The following RNF207 variants were observed in gnomAD, a reference collection of about 807,000 sequenced individuals.
RNF207 encodes ring finger protein 207.
A neutral mutation model predicts 79.0 loss-of-function variants in RNF207; 72 were observed. That is an observed-to-expected ratio of 0.91 (90% CI 0.75 to 1.11). The LOEUF (loss-of-function observed/expected upper bound fraction) is 1.11, where lower values mean the gene tolerates loss of function less well. Ranked by LOEUF, RNF207 falls within the 50% of genes least tolerant of loss-of-function variation. The pLI is 0.00. For missense variants in RNF207, 936 were observed against 855.8 expected (o/e 1.09, Z -1.17); for synonymous variants, 348 against 366.2 (o/e 0.95, Z 0.57).
chr1:6,215,819 C>T (rs762343957), intron 16 of RNF207, among the ~76,000 whole-genome samples: 6 of 152,202 alleles, frequency 3.9e-5, no homozygotes, highest in African/African-American at 7.2e-5. Context: ...TGTGCCACCA[C>T]GCCCTCTAAG....
At chr1:6,210,814 TC>T (rs1245691302) in intron 10 of RNF207, 55 bp from the exon 11 acceptor site, 18 of 1,482,166 alleles carry the variant, frequency 1.2e-5, no homozygotes, top group Non-Finnish European at 7.4e-6. Context: ...TCTCCCCTCT[TC>T]CTGCCCCCTG....
At chr1:6,208,850 T>C in intron 3 of RNF207, 31 bp from the exon 4 acceptor site, 1 of 1,515,802 alleles carries the variant, frequency 6.6e-7, no homozygotes, top group Non-Finnish European at 8.8e-7. Flanking sequence ...GGTCGGGCTC[T>C]GGCGCTCCTG....
At position 6,211,813 on chromosome 1, in the gene RNF207, G is replaced by T. The variant is rs1226544109; in HGVS notation, c.1110-54G>T. On this transcript the variant is annotated intron_variant, in intron 12 of 17. Transcript: ENST00000377939. This position sits in a 1 kb window ranked among gnomAD's most constrained non-coding sequence, Gnocchi z 4.2. ...GTCCAGGGGGCTGCCCTGGGAGGCT[G>T]GGGGAGGGGCAGACTTCCCCACCCC... The T allele has an allele frequency of 7.4e-7, 1 of 1,353,062 alleles. No homozygotes were observed. The highest frequency in any genetic ancestry group is 1.0e-6 in the Non-Finnish European group (1 of 979,126). The allele number at this position is 1,353,062 out of a possible 1,614,324, so 83.8% of individuals were successfully genotyped here.
In RNF207 at chr1:6,207,914, G is replaced by C; in HGVS notation, c.324+403G>C. On this transcript the variant is annotated intron_variant, in intron 3 of 17. Transcript: ENST00000377939. This position sits in a 1 kb window ranked among gnomAD's most constrained non-coding sequence, Gnocchi z 4.5. The stretch of plus-strand genomic sequence containing the variant: ...GTGGGGACAGCATGCTGTTCCCTCT[G>C]GGCTGTAAAAGGCACAGGGGACTCT... 1 of 367,978 alleles carries C rather than the reference G, an allele frequency of 2.7e-6. No individual in the cohort carries two copies. Among genetic ancestry groups the C allele is most frequent in the South Asian group, 2.1e-5 (1 of 46,982 alleles). 22.8% of individuals were successfully genotyped at this position (367,978 alleles called of 1,614,324 possible).
At chr1:6,214,224 C>T (rs1668280695) in intron 16 of RNF207, among the ~76,000 whole-genome samples, 2 of 152,162 alleles carry the variant, frequency 1.3e-5, no homozygotes, top group Admixed American at 1.3e-4. Flanking sequence ...TGAAGGCACT[C>T]AGACTCCTAA....
In RNF207 at chr1:6,209,976, T is replaced by G; in HGVS notation, c.800+6T>G. 1 of 1,582,512 alleles carries G rather than the reference T, an allele frequency of 6.3e-7. No homozygotes were observed. The highest frequency in any genetic ancestry group is 8.6e-7 in the Non-Finnish European group (1 of 1,163,244). ...CTGCTGCAGGCTGTGCAGAGGTGAGTTGGGGGGAGCGGGGCTTGCTTCCCT... is the reference window on the plus strand; with the variant it reads ...CTGCTGCAGGCTGTGCAGAGGTGAGGTGGGGGGAGCGGGGCTTGCTTCCCT... On this transcript the variant is annotated splice_donor_region_variant and intron_variant, in intron 8 of 17. Coordinates refer to ENST00000377939, the MANE Select transcript of RNF207 (RefSeq NM_207396.3).
intron 17 of RNF207, 80 bp downstream of exon 17, chr1:6,218,449 C>A: frequency 3.6e-6 from 4 of 1,102,284 alleles, no homozygotes; most frequent in Admixed American, 2.1e-5. Context: ...AAACTCCAGG[C>A]TTTTCCCCTT....
rs377019548 is a variant in RNF207 at position 6,211,052 on chromosome 1, G to A, written c.1043G>A (p.Arg348His). Residue 348 changes from arginine to histidine, a missense_variant, in exon 12 of 18, where the codon CGC (arginine) becomes CAC (histidine). Arg to His is a conservative substitution (Grantham distance 29). Transcript: ENST00000377939. This position sits in a 1 kb window ranked among gnomAD's most constrained non-coding sequence, Gnocchi z 4.2. ...AGTGACCACCGAGCTGAATTCGCGC[G>A]CTGTCTGGAGCCACTGCTGCTGCTG... Reference protein sequence around the residue: ...IASDHRAEFARCLEPLLLLGP... With the variant: ...IASDHRAEFAHCLEPLLLLGP... The A allele has an allele frequency of 5.4e-5, 87 of 1,608,444 alleles. 1 individual carries two copies. Among genetic ancestry groups the A allele is most frequent in the East Asian group, 2.2e-4 (10 of 44,830 alleles).
At position 6,209,271 on chromosome 1, in the gene RNF207, G is replaced by A. The variant is rs1371975894; in HGVS notation, c.555G>A (p.Glu185=). 7 of 1,549,302 alleles carry A rather than the reference G, an allele frequency of 4.5e-6. No homozygotes were observed. The Admixed American group carries it at 1.2e-4, about 26-fold the overall frequency. ...CIRCFRDMQK[E]SRAHCVDLES... is the part of the protein sequence containing the mutation. Reference sequence around the variant, plus strand: ...CCTCACCCGCCGCCTTCTGCAGGGAGAGCCGGGCACACTGCGTGGACCTGG... The same window carrying A: ...CCTCACCCGCCGCCTTCTGCAGGGAAAGCCGGGCACACTGCGTGGACCTGG... The change falls in exon 6 of 18, where the codon GAG becomes GAA. Residue 185 remains glutamate (E), a synonymous_variant. Coordinates refer to ENST00000377939, the MANE Select transcript of RNF207 (RefSeq NM_207396.3).
In RNF207 at chr1:6,209,926, C is replaced by G; in HGVS notation, c.756C>G (p.Asp252Glu). 6.3e-7 allele frequency: 1 copy of G among 1,587,658 alleles called. No homozygotes were observed. The highest frequency in any genetic ancestry group is 2.2e-5 in the East Asian group (1 of 44,494). Residue 252 changes from aspartate to glutamate, a missense_variant and splice_region_variant, in exon 8 of 18, where the codon GAC (aspartate) becomes GAG (glutamate). Transcript: ENST00000377939. Reference protein sequence around the residue: ...AIHALFGSMQDRLAERKALLL... With the variant: ...AIHALFGSMQERLAERKALLL... ...AGCATGCTCGCCATCTCTCCCAGGACAGGCTGGCAGAGAGGAAAGCGCTGC... is the reference window on the plus strand; with the variant it reads ...AGCATGCTCGCCATCTCTCCCAGGAGAGGCTGGCAGAGAGGAAAGCGCTGC...
At chr1:6,219,054 G>C (rs1428100205) in intron 17 of RNF207, among the ~76,000 whole-genome samples, 182 bp from the exon 18 acceptor site, 3 of 152,100 alleles carry the variant, frequency 2.0e-5, no homozygotes, top group Non-Finnish European at 2.9e-5. Flanking sequence ...CCATCCCCTG[G>C]GGATGGGCTC....
At position 6,217,686 on chromosome 1, in the gene RNF207, T is replaced by A. The variant is rs953920401; in HGVS notation, c.1653-603T>A. Among the ~76,000 whole-genome samples, 7 of 152,142 alleles carry A rather than the reference T, an allele frequency of 4.6e-5. No homozygotes were observed. Among genetic ancestry groups the A allele is most frequent in the African/African-American group, 1.7e-4 (7 of 41,406 alleles). On this transcript the variant is annotated intron_variant, in intron 16 of 17. Coordinates refer to ENST00000377939, the MANE Select transcript of RNF207 (RefSeq NM_207396.3). The surrounding 1 kb of genome is among the most constrained non-coding windows in gnomAD (Gnocchi z 4.2). Reference sequence around the variant, plus strand: ...TGTTCCTGCCTCAATCCACCCGCTTTGGTCTCTATTGCTCCCCTGAATCCA... The same window carrying A: ...TGTTCCTGCCTCAATCCACCCGCTTAGGTCTCTATTGCTCCCCTGAATCCA...
In RNF207 at chr1:6,207,878, G is replaced by A; in HGVS notation, c.324+367G>A. ...CCCAAGTGGCATAGAAGCAGCTACA[G>A]CCCAGGGGAGGTGGGGACAGCATGC... On this transcript the variant is annotated intron_variant, in intron 3 of 17. Transcript: ENST00000377939. The surrounding 1 kb of genome is among the most constrained non-coding windows in gnomAD (Gnocchi z 4.5). The A allele has an allele frequency of 9.5e-6, 4 of 420,932 alleles. No homozygotes were observed. The highest frequency in any genetic ancestry group is 7.6e-5 in the South Asian group (4 of 52,400). The allele number at this position is 420,932 out of a possible 1,614,324, so 26.1% of individuals were successfully genotyped here. A position where few individuals can be genotyped will look rare whatever the true frequency, so the allele number is the denominator to read the frequency against.
chr1:6,209,714 T>G (rs1306568026), intron 7 of RNF207, among the ~76,000 whole-genome samples, 175 bp downstream of exon 7: 1 of 151,172 alleles, frequency 6.6e-6, no homozygotes, highest in African/African-American at 2.4e-5. Flanking sequence ...AGGCTGGTGG[T>G]GGGGGTGTGA....
rs1166438878 is a variant in RNF207, at chr1:6,207,811, T to A, written c.324+300T>A. 1.7e-6 allele frequency: 1 copy of A among 596,952 alleles called. No individual in the cohort carries two copies. The highest frequency in any genetic ancestry group is 1.6e-5 in the South Asian group (1 of 63,828). 37.0% of individuals were successfully genotyped at this position (596,952 alleles called of 1,614,324 possible). A position where few individuals can be genotyped will look rare whatever the true frequency, so the allele number is the denominator to read the frequency against. On this transcript the variant is annotated intron_variant, in intron 3 of 17. Coordinates refer to ENST00000377939, the MANE Select transcript of RNF207 (RefSeq NM_207396.3). The surrounding 1 kb of genome is among the most constrained non-coding windows in gnomAD (Gnocchi z 4.5). ...TTGTGGACCTGCACAGGAGGGGCAG[T>A]CCAGTTTGCAGGCCTGGGCCGACCC...
chr1:6,213,173 C>T lies in RNF207; in HGVS notation c.1642C>T (p.Leu548=), dbSNP rs972108736. 4 of 1,610,450 alleles carry T rather than the reference C, an allele frequency of 2.5e-6. No homozygotes were observed. The African/African-American group carries it at 5.3e-5, about 22-fold the overall frequency. The stretch of plus-strand genomic sequence containing the variant: ...CTCCATTGCCAAGGTGAAGGAGCGG[C>T]TGGAGCCCAGGTGAGGCCAAGGGGG... ...VRSIAKVKER[L]EPRFQAPVDE... The change falls in exon 16 of 18, where the codon CTG becomes TTG. Residue 548 remains leucine, a synonymous_variant. Coordinates refer to ENST00000377939, the MANE Select transcript of RNF207 (RefSeq NM_207396.3).
chr1:6,213,802 T>C (rs1668267264), intron 16 of RNF207, among the ~76,000 whole-genome samples: 1 of 152,010 alleles, frequency 6.6e-6, no homozygotes, highest in Non-Finnish European at 1.5e-5. Flanking sequence ...CTGTGCAGAG[T>C]CCTGACCAGG....
intron 16 of RNF207, among the ~76,000 whole-genome samples, chr1:6,215,775 G>A (rs1469493756): frequency 1.3e-5 from 2 of 152,154 alleles, no homozygotes; most frequent in Non-Finnish European, 2.9e-5. Flanking sequence ...CGATTCTCCT[G>A]CCTCAGCCTC....
intron 1 of RNF207, 40 bp downstream of exon 1, chr1:6,206,342 T>C (rs986277733): frequency 6.9e-6 from 4 of 576,320 alleles, no homozygotes; most frequent in Admixed American, 3.2e-5. Context: ...CCTCACTGCC[T>C]GTTCTCCCTG....
Sources: gnomAD v4.1 joint callset for allele counts (sites outside exome capture counted in the v4.1 genomes callset) on GRCh38, gnomAD v4.1.1 for gene constraint, Gnocchi (gnomAD v3.1) non-coding constraint, MANE v1.5 for transcripts, NCBI Gene and HGNC (gene_info 2026-07-23, HGNC 2026-07-21) for gene names.